Variants in OSBPL5 observed in about 807,000 individuals in gnomAD.
The protein encoded by OSBPL5 is oxysterol-binding protein-related protein 5.
In OSBPL5, 71 loss-of-function variants were observed where a neutral mutation model predicts 111.2. The observed-to-expected ratio is 0.64, with a 90% CI of 0.53 to 0.78. The LOEUF (loss-of-function observed/expected upper bound fraction) is 0.78. Ranked by LOEUF, OSBPL5 falls within the 30% of genes least tolerant of loss-of-function variation. The pLI is 0.00. For synonymous variants in OSBPL5, 549 were observed against 513.9 expected (o/e 1.07, Z -0.93); for missense variants, 1,210 against 1,189.3 (o/e 1.02, Z -0.26).
intron 12 of OSBPL5, 91 bp from the exon 13 acceptor site, chr11:3,101,790 G>T: frequency 9.7e-7 from 1 of 1,028,180 alleles, no homozygotes; most frequent in Non-Finnish European, 1.5e-6. Flanking sequence ...ACCTGTCCCT[G>T]TCCCTGACGC....
intron 2 of OSBPL5, among the ~76,000 whole-genome samples, chr11:3,128,207 T>C (rs1397872224): frequency 6.6e-6 from 1 of 152,148 alleles, no homozygotes; most frequent in Non-Finnish European, 1.5e-5. Context: ...ATCCGCCCAA[T>C]GCTCTCCCAC....
chr11:3,113,788 T>C lies in OSBPL5; in HGVS notation c.691+5759A>G, dbSNP rs992981535. Among the ~76,000 whole-genome samples the C allele has an allele frequency of 2.0e-5, 3 of 152,328 alleles. No individual in the cohort carries two copies. The highest frequency in any genetic ancestry group is 2.0e-4 in the Admixed American group (3 of 15,300). On this transcript the variant is annotated intron_variant, in intron 7 of 21. Coordinates refer to ENST00000263650, the MANE Select transcript of OSBPL5 (RefSeq NM_020896.4). The surrounding 1 kb of genome is among the most constrained non-coding windows in gnomAD (Gnocchi z 4.8). ...GTAAGGTTCATTTTGAGAAAGACTG[T>C]TATAGTCTTTGTTTCAGGTAAACTA... is the stretch of plus-strand genomic sequence containing the variant.
chr11:3,122,760 G>A (rs1292735178), intron 3 of OSBPL5, among the ~76,000 whole-genome samples: 2 of 152,210 alleles, frequency 1.3e-5, no homozygotes, highest in African/African-American at 2.4e-5. Flanking sequence ...GACTTCCTAC[G>A]GGTCTGACTG....
intron 15 of OSBPL5, 81 bp from the exon 16 acceptor site, chr11:3,093,916 A>C: frequency 4.7e-6 from 7 of 1,498,322 alleles, no homozygotes; most frequent in Non-Finnish European, 6.3e-6. Flanking sequence ...GGCACGGAAC[A>C]GTTATTCTCT....
In OSBPL5 at chr11:3,121,882, C is replaced by A. The variant is rs1181267031; in HGVS notation, c.402+115G>T. ...GGAGCAGAGGCTGCAGTGATAACGG[C>A]TAGATGCAGGGAAGTGAATTTCCAT... On this transcript the variant is annotated intron_variant, in intron 5 of 21. Transcript: ENST00000263650. This position sits in a 1 kb window ranked among gnomAD's most constrained non-coding sequence, Gnocchi z 4.3. 3 of 883,784 alleles carry A rather than the reference C, an allele frequency of 3.4e-6. No individual in the cohort carries two copies. The highest frequency in any genetic ancestry group is 5.3e-5 in the East Asian group (2 of 37,554). The allele number at this position is 883,784 out of a possible 1,614,324, so 54.7% of individuals were successfully genotyped here.
intron 6 of OSBPL5, among the ~76,000 whole-genome samples, 168 bp downstream of exon 6, chr11:3,120,253 G>A (rs1230902400): frequency 1.3e-5 from 2 of 152,178 alleles, no homozygotes; most frequent in African/African-American, 4.8e-5. Flanking sequence ...AGCACCAGTG[G>A]CCATATCTGA....
rs181481305 is a variant in OSBPL5, at chr11:3,117,366, G to A, written c.691+2181C>T. Among the ~76,000 whole-genome samples the A allele has an allele frequency of 1.2e-4, 19 of 152,252 alleles. No homozygotes were observed. The East Asian group carries it at 1.7e-3, about 14-fold the overall frequency. On this transcript the variant is annotated intron_variant, in intron 7 of 21. Transcript: ENST00000263650. ...TGGAACCTCAAGAAGATAATAATTCGCCCAACTTATAGGTGTTTAATGGTA... is the reference window on the plus strand; with the variant it reads ...TGGAACCTCAAGAAGATAATAATTCACCCAACTTATAGGTGTTTAATGGTA...
chr11:3,164,232 G>C (rs1430308515), intron 1 of OSBPL5: 1 of 152,404 alleles, frequency 6.6e-6, no homozygotes, highest in East Asian at 1.9e-4. Flanking sequence ...GTTGCGAAAC[G>C]GCAAGAGAGG....
At position 3,110,351 on chromosome 11, in the gene OSBPL5, C is replaced by T. The variant is rs776345873; in HGVS notation, c.692-2406G>A. On this transcript the variant is annotated intron_variant, in intron 7 of 21. Coordinates refer to ENST00000263650, the MANE Select transcript of OSBPL5 (RefSeq NM_020896.4). This position sits in a 1 kb window ranked among gnomAD's most constrained non-coding sequence, Gnocchi z 5.3. ...CCCAACCTCAGGTTAGAGGGAGGAA[C>T]GGCCAAGAGGGAATCCCTCCAGGTG... Among the ~76,000 whole-genome samples, 12 of 152,190 alleles carry T rather than the reference C, an allele frequency of 7.9e-5. No individual in the cohort carries two copies. The highest frequency in any genetic ancestry group is 1.7e-4 in the African/African-American group (7 of 41,444).
rs886760984 is a variant in OSBPL5, at chr11:3,161,224, G to C, written c.-22+3992C>G. 6.6e-6 allele frequency: 1 copy of C among 152,262 alleles called. No individual in the cohort carries two copies. The highest frequency in any genetic ancestry group is 2.1e-4 in the South Asian group (1 of 4,836). 9.4% of individuals were successfully genotyped at this position (152,262 alleles called of 1,614,324 possible). A position where few individuals can be genotyped will look rare whatever the true frequency, so the allele number is the denominator to read the frequency against. On this transcript the variant is annotated intron_variant, in intron 1 of 21. Transcript: ENST00000263650. The surrounding 1 kb of genome is among the most constrained non-coding windows in gnomAD (Gnocchi z 8.0). ...TCATCCTTGTCTTCGTGTCAGCAGG[G>C]TGAGAGGGGATCTATGGACCAGTTA...
chr11:3,091,936 G>T (rs560395854), intron 19 of OSBPL5, among the ~76,000 whole-genome samples: 1 of 152,160 alleles, frequency 6.6e-6, no homozygotes, highest in Non-Finnish European at 1.5e-5. Context: ...TGGAACGGGG[G>T]CGTGTGGGTT....
intron 14 of OSBPL5, chr11:3,094,820 A>G (rs1456485534): frequency 1.3e-5 from 2 of 154,206 alleles, no homozygotes; most frequent in African/African-American, 4.8e-5. Flanking sequence ...CACAGAGGGC[A>G]CCAGCACCCA....
In OSBPL5 at chr11:3,121,966, C is replaced by T; in HGVS notation, c.402+31G>A. ...ATGGCAGCAGCACGCTGACCCGTGT[C>T]CTGGGTGGCCGGAGGCCGGGCATCA... On this transcript the variant is annotated intron_variant, in intron 5 of 21. Transcript: ENST00000263650. The surrounding 1 kb of genome is among the most constrained non-coding windows in gnomAD (Gnocchi z 4.3). 1.3e-6 allele frequency: 2 copies of T among 1,535,072 alleles called. No homozygotes were observed. The highest frequency in any genetic ancestry group is 1.8e-6 in the Non-Finnish European group (2 of 1,142,134).
At chr11:3,149,872 T>G (rs1352682946) in intron 1 of OSBPL5, among the ~76,000 whole-genome samples, 1 of 152,226 alleles carries the variant, frequency 6.6e-6, no homozygotes, top group East Asian at 1.9e-4. Context: ...TGCACGAGTG[T>G]GATGGTGGCC....
At chr11:3,148,015 C>T (rs1184313939) in intron 1 of OSBPL5, among the ~76,000 whole-genome samples, 2 of 152,196 alleles carry the variant, frequency 1.3e-5, no homozygotes, top group Non-Finnish European at 2.9e-5. Flanking sequence ...CCTCCGCACG[C>T]CCCCGGCACC....
chr11:3,163,133 G>T (rs534632940), intron 1 of OSBPL5, among the ~76,000 whole-genome samples: 1 of 152,320 alleles, frequency 6.6e-6, no homozygotes, highest in Admixed American at 6.5e-5. Flanking sequence ...CAGCTCCCCA[G>T]GCCTCTCCGG....
intron 13 of OSBPL5, 113 bp downstream of exon 13, chr11:3,101,490 G>T: frequency 2.0e-6 from 2 of 978,124 alleles, no homozygotes; most frequent in South Asian, 1.5e-5. Flanking sequence ...AGGAGGGGTT[G>T]GGAGGGACAG....
chr11:3,101,657 G>A lies in OSBPL5; in HGVS notation c.1468C>T (p.Arg490Trp), dbSNP rs1284173268. The A allele has an allele frequency of 1.4e-5, 22 of 1,613,978 alleles. No individual in the cohort carries two copies. Among genetic ancestry groups the A allele is most frequent in the East Asian group, 2.2e-5 (1 of 44,874 alleles). Residue 490 changes from arginine (R) to tryptophan (W), a missense_variant, in exon 13 of 22, where the codon CGG becomes TGG. Transcript: ENST00000263650. The part of the protein sequence containing the change: ...PPVSAFHVSN[R>W]KDGFCISGSI... ...CCACTGATGCAGAAGCCGTCCTTCC[G>A]GTTGCTGACGTGGAAGGCAGACACG... is the stretch of plus-strand genomic sequence containing the variant.
chr11:3,107,113 G>T lies in OSBPL5; in HGVS notation c.1059+150C>A. The T allele has an allele frequency of 1.3e-6, 1 of 772,916 alleles. No homozygotes were observed. Among genetic ancestry groups the T allele is most frequent in the Non-Finnish European group, 2.0e-6 (1 of 494,688 alleles). 47.9% of individuals were successfully genotyped at this position (772,916 alleles called of 1,614,324 possible). On this transcript the variant is annotated intron_variant, in intron 9 of 21. Coordinates refer to ENST00000263650, the MANE Select transcript of OSBPL5 (RefSeq NM_020896.4). The surrounding 1 kb of genome is among the most constrained non-coding windows in gnomAD (Gnocchi z 6.1). The stretch of plus-strand genomic sequence containing the variant: ...GAGGAGCCTGTTTACCTAAAAGACA[G>T]CTCCTGGACTCACTGCCAAGTGATG...
Sources: allele counts gnomAD v4.1 joint callset (sites outside exome capture counted in the v4.1 genomes callset), GRCh38; gene constraint gnomAD v4.1.1; non-coding constraint Gnocchi (gnomAD v3.1); transcripts MANE v1.5; gene names NCBI Gene and HGNC (gene_info 2026-07-23, HGNC 2026-07-21).